The following BCAS3 variants were observed in gnomAD, a reference collection of about 807,000 sequenced individuals.
The protein encoded by BCAS3 is BCAS4/BCAS3 fusion.
A neutral mutation model predicts 116.1 loss-of-function variants in BCAS3; 53 were observed. The ratio of observed to expected loss-of-function variants is 0.46; its 90% CI spans 0.37 to 0.57. The LOEUF (loss-of-function observed/expected upper bound fraction) is 0.57, where lower values mean the gene tolerates loss of function less well. BCAS3 is among the 20% of genes least tolerant of loss of function. BCAS3 has a pLI of 0.00. For synonymous variants in BCAS3, 391 were observed against 408.2 expected, an observed-to-expected ratio of 0.96 and a Z score of 0.51; for missense variants, 917 against 1,165.4, an observed-to-expected ratio of 0.79 and a Z score of 3.10.
rs2058111213 is a variant in BCAS3 at position 61,355,911 on chromosome 17, A to G, written c.2426-12416A>G. 1.3e-5 allele frequency among the ~76,000 whole-genome samples: 2 copies of G among 152,220 alleles called. No individual in the cohort carries two copies. The highest frequency in any genetic ancestry group is 4.8e-5 in the African/African-American group (2 of 41,462). The stretch of plus-strand genomic sequence containing the variant: ...CTTGCAGTGTATTCTGAGCCCTGCC[A>G]TAGGAATCCTATCACAGCTCTATGT... On this transcript the variant is annotated intron_variant, in intron 22 of 23. Transcript: ENST00000407086. This position sits in a 1 kb window ranked among gnomAD's most constrained non-coding sequence, Gnocchi z 4.2.
At chr17:60,935,588 C>T (rs770203998) in intron 13 of BCAS3, among the ~76,000 whole-genome samples, 17 of 152,068 alleles carry the variant, frequency 1.1e-4, no homozygotes, top group Admixed American at 4.6e-4. Context: ...GGTAATCAAA[C>T]CTAATTTCCA....
rs184959818 is a variant in BCAS3 at position 61,208,294 on chromosome 17, C to T, written c.2425+123730C>T. ...ATTTTGTCTAAAGCGGGACTCTTCTCCTCCCAGGGACCAGAGAATTTTCTT... is the reference window on the plus strand; with the variant it reads ...ATTTTGTCTAAAGCGGGACTCTTCTTCTCCCAGGGACCAGAGAATTTTCTT... On this transcript the variant is annotated intron_variant, in intron 22 of 23. Coordinates refer to ENST00000407086, the MANE Select transcript of BCAS3 (RefSeq NM_017679.5). This position sits in a 1 kb window ranked among gnomAD's most constrained non-coding sequence, Gnocchi z 4.5. 2.8e-4 allele frequency among the ~76,000 whole-genome samples: 43 copies of T among 152,276 alleles called. No individual in the cohort carries two copies. The highest frequency in any genetic ancestry group is 5.1e-4 in the Non-Finnish European group (35 of 68,024).
At chr17:61,005,989 T>C (rs1335146964) in intron 15 of BCAS3, among the ~76,000 whole-genome samples, 1 of 151,988 alleles carries the variant, frequency 6.6e-6, no homozygotes, top group Non-Finnish European at 1.5e-5. Context: ...GATGTTCCCT[T>C]TCCTGTGTCC....
chr17:60,902,932 G>A (rs1016265833), intron 11 of BCAS3, among the ~76,000 whole-genome samples: 2 of 152,138 alleles, frequency 1.3e-5, no homozygotes, highest in African/African-American at 4.8e-5. Flanking sequence ...GATTTGCATC[G>A]TTCTGCCTAC....
intron 5 of BCAS3, among the ~76,000 whole-genome samples, chr17:60,717,724 C>T (rs2038794934): frequency 6.6e-6 from 1 of 152,076 alleles, no homozygotes; most frequent in African/African-American, 2.4e-5. Context: ...AGCAGCAGTC[C>T]CCAACCTTTT....
At chr17:60,734,327 G>A (rs560114578) in intron 5 of BCAS3, among the ~76,000 whole-genome samples, 2 of 152,254 alleles carry the variant, frequency 1.3e-5, no homozygotes, top group East Asian at 3.9e-4. Flanking sequence ...ATGGAGTCTT[G>A]CTGTGTTGCC....
chr17:61,158,045 A>G (rs2077962861), intron 22 of BCAS3, among the ~76,000 whole-genome samples: 1 of 151,482 alleles, frequency 6.6e-6, no homozygotes, highest in Non-Finnish European at 1.5e-5. Flanking sequence ...CCTATATGCA[A>G]CTCTTTTTTT....
At chr17:61,178,021 A>G (rs1293533562) in intron 22 of BCAS3, among the ~76,000 whole-genome samples, 2 of 152,150 alleles carry the variant, frequency 1.3e-5, no homozygotes, top group African/African-American at 2.4e-5. Context: ...AAAAAATTAG[A>G]CACTTGTATC....
rs2049161349 is a variant in BCAS3, at chr17:61,261,084, G to A, written c.2426-107243G>A. On this transcript the variant is annotated intron_variant, in intron 22 of 23. Coordinates refer to ENST00000407086, the MANE Select transcript of BCAS3 (RefSeq NM_017679.5). The surrounding 1 kb of genome is among the most constrained non-coding windows in gnomAD (Gnocchi z 4.4). Reference sequence around the variant, plus strand: ...ATCATCAAACGCATTTATCTAATTTGACACATTTTGCCTGGAAGTCATAGA... The same window carrying A: ...ATCATCAAACGCATTTATCTAATTTAACACATTTTGCCTGGAAGTCATAGA... Among the ~76,000 whole-genome samples the A allele has an allele frequency of 6.6e-6, 1 of 152,186 alleles. No homozygotes were observed. Among genetic ancestry groups the A allele is most frequent in the South Asian group, 2.1e-4 (1 of 4,826 alleles).
chr17:61,067,630 C>T (rs1003959812), intron 19 of BCAS3, among the ~76,000 whole-genome samples: 1 of 149,712 alleles, frequency 6.7e-6, no homozygotes, highest in Non-Finnish European at 1.5e-5. Flanking sequence ...GCAGGAGAAT[C>T]GCTTGAACCT....
chr17:60,808,352 T>C (rs1176448476), intron 7 of BCAS3, among the ~76,000 whole-genome samples: 1 of 152,242 alleles, frequency 6.6e-6, no homozygotes, highest in Admixed American at 6.5e-5. Flanking sequence ...TTCCAGTTAG[T>C]GCATTCCCTC....
Position 61,300,676 on chromosome 17 carries a change from A to C in BCAS3, c.2426-67651A>C, listed in dbSNP as rs971222096. Among the ~76,000 whole-genome samples, 9 of 152,254 alleles carry C rather than the reference A, an allele frequency of 5.9e-5. No homozygotes were observed. The highest frequency in any genetic ancestry group is 1.9e-4 in the African/African-American group (8 of 41,470). ...ATGTACAAAATGTGGAACTCTCTGCATTAGCTGAAAATAGGGAAAAGAATA... is the reference window on the plus strand; with the variant it reads ...ATGTACAAAATGTGGAACTCTCTGCCTTAGCTGAAAATAGGGAAAAGAATA... On this transcript the variant is annotated intron_variant, in intron 22 of 23. Transcript: ENST00000407086. This position sits in a 1 kb window ranked among gnomAD's most constrained non-coding sequence, Gnocchi z 5.1.
At position 61,372,371 on chromosome 17, in the gene BCAS3, G is replaced by C. The variant is rs77668895; in HGVS notation, c.2593+3877G>C. Among the ~76,000 whole-genome samples the C allele has an allele frequency of 1.4e-4, 21 of 152,180 alleles. No homozygotes were observed. The East Asian group carries it at 3.9e-3, about 28-fold the overall frequency. ...TTTCTCAAGGCCTTGTCTTGGCCCT[G>C]GTCTCTTCTCTCTCAGTACCTGGCA... is the stretch of plus-strand genomic sequence containing the variant. On this transcript the variant is annotated intron_variant, in intron 23 of 23. Coordinates refer to ENST00000407086, the MANE Select transcript of BCAS3 (RefSeq NM_017679.5).
intron 6 of BCAS3, among the ~76,000 whole-genome samples, chr17:60,757,450 A>G (rs12936545): frequency 0.74 from 108,667 of 146,906 alleles, 45,134 homozygotes; most frequent in South Asian, 0.98. Flanking sequence ...TCTTTTAATG[A>G]TAGCCATTCT....
intron 13 of BCAS3, among the ~76,000 whole-genome samples, chr17:60,931,862 C>T (rs1434491495): frequency 6.6e-6 from 1 of 152,068 alleles, no homozygotes; most frequent in African/African-American, 2.4e-5. Context: ...AGCTTGAGCT[C>T]AGGAGCTAGA....
At chr17:61,172,295 G>A (rs1004512521) in intron 22 of BCAS3, among the ~76,000 whole-genome samples, 25 of 152,056 alleles carry the variant, frequency 1.6e-4, no homozygotes, top group Non-Finnish European at 3.5e-4. Context: ...CACTACCAAC[G>A]GCAGAACCAC....
At chr17:60,931,090 T>C (rs906930850) in intron 13 of BCAS3, among the ~76,000 whole-genome samples, 1 of 152,118 alleles carries the variant, frequency 6.6e-6, no homozygotes, top group Non-Finnish European at 1.5e-5. Context: ...TTATTAGCTG[T>C]GACTTTGAGG....
chr17:61,057,771 A>G (rs538205426), intron 19 of BCAS3, among the ~76,000 whole-genome samples: 1 of 152,178 alleles, frequency 6.6e-6, no homozygotes, highest in East Asian at 1.9e-4. Flanking sequence ...AGCCTGTGCT[A>G]TTCTTTATGG....
rs574392851 is a variant in BCAS3 at position 61,172,167 on chromosome 17, A to G, written c.2425+87603A>G. Among the ~76,000 whole-genome samples, 5 of 152,346 alleles carry G rather than the reference A, an allele frequency of 3.3e-5. No homozygotes were observed. The South Asian group carries it at 6.2e-4, about 19-fold the overall frequency. On this transcript the variant is annotated intron_variant, in intron 22 of 23. Coordinates refer to ENST00000407086, the MANE Select transcript of BCAS3 (RefSeq NM_017679.5). ...ACACACAATTATAGTTGGAGATTCA[A>G]CATCTCTTTCTCAGTCCTCAATAGA...
Sources: allele counts gnomAD v4.1 joint callset (sites outside exome capture counted in the v4.1 genomes callset), GRCh38; gene constraint gnomAD v4.1.1; non-coding constraint Gnocchi (gnomAD v3.1); transcripts MANE v1.5; gene names NCBI Gene and HGNC (gene_info 2026-07-23, HGNC 2026-07-21).